Variants in ADARB2 observed in about 807,000 individuals in gnomAD.
The protein encoded by ADARB2 is adenosine deaminase RNA specific B2 (inactive).
Under a neutral mutation model 62.2 loss-of-function variants are expected in ADARB2, and 25 were observed. The observed-to-expected ratio is 0.40, with a 90% CI of 0.29 to 0.56. ADARB2 has a LOEUF of 0.56. Ranked by LOEUF, ADARB2 falls within the 20% of genes least tolerant of loss-of-function variation. ADARB2 has a pLI of 0.43. For synonymous variants in ADARB2, 572 were observed against 500.8 expected (o/e 1.14, Z -1.90); for missense variants, 1,071 against 1,077.4 (o/e 0.99, Z 0.08).
In ADARB2 at chr10:1,246,941, G is replaced by A. The variant is rs544164626; in HGVS notation, c.1193-4642C>T. On this transcript the variant is annotated intron_variant, in intron 4 of 9. Transcript: ENST00000381312. ...CCTTGGGCAGTATGGCCATTTTCAC[G>A]ATATTGATTCTTCCCACCCATGAGC... Among the ~76,000 whole-genome samples the A allele has an allele frequency of 7.0e-4, 106 of 152,062 alleles. 1 individual carries two copies. The highest frequency in any genetic ancestry group is 1.7e-3 in the African/African-American group (71 of 41,466).
intron 1 of ADARB2, among the ~76,000 whole-genome samples, chr10:1,537,007 T>A (rs1832341232): frequency 6.6e-6 from 1 of 152,032 alleles, no homozygotes; most frequent in Non-Finnish European, 1.5e-5. Flanking sequence ...AAAGAAACTA[T>A]CCTCAGAGTG....
At chr10:1,556,252 A>G (rs1832699827) in intron 1 of ADARB2, among the ~76,000 whole-genome samples, 1 of 110,278 alleles carries the variant, frequency 9.1e-6, no homozygotes, top group Admixed American at 1.2e-4. Context: ...TTCCTCTCAA[A>G]CAAAAAGTCT....
intron 3 of ADARB2, among the ~76,000 whole-genome samples, chr10:1,357,916 T>C (rs957377437): frequency 2.6e-5 from 4 of 152,218 alleles, no homozygotes. Context: ...TCTGAAACGC[T>C]CACACAGGAC....
intron 1 of ADARB2, among the ~76,000 whole-genome samples, chr10:1,509,438 T>C (rs1180019916): frequency 6.6e-6 from 1 of 152,120 alleles, no homozygotes; most frequent in Non-Finnish European, 1.5e-5. Context: ...CAGGCACAAA[T>C]CCTTCAAAGA....
At chr10:1,195,633 T>A (rs372113479) in intron 8 of ADARB2, among the ~76,000 whole-genome samples, 16 of 151,882 alleles carry the variant, frequency 1.1e-4, no homozygotes, top group East Asian at 7.7e-4. Context: ...TCAGAAGAAT[T>A]GGGATGGTGC....
chr10:1,310,965 T>C (rs1397393990), intron 3 of ADARB2, among the ~76,000 whole-genome samples: 2 of 152,170 alleles, frequency 1.3e-5, no homozygotes, highest in Non-Finnish European at 2.9e-5. Context: ...TTGGAGTAAA[T>C]GTGGATTTCG....
At chr10:1,611,304 G>A (rs1305666183) in intron 1 of ADARB2, among the ~76,000 whole-genome samples, 1 of 152,200 alleles carries the variant, frequency 6.6e-6, no homozygotes, top group Non-Finnish European at 1.5e-5. Flanking sequence ...AGCGTGTGCT[G>A]CTGAAATCTG....
intron 1 of ADARB2, among the ~76,000 whole-genome samples, chr10:1,707,207 C>G (rs12248195): frequency 6.6e-6 from 1 of 152,258 alleles, no homozygotes; most frequent in African/African-American, 2.4e-5. Context: ...CTCAGCACCG[C>G]GGCCCCGATC....
chr10:1,500,688 C>T (rs1347669514), intron 1 of ADARB2, among the ~76,000 whole-genome samples: 2 of 151,984 alleles, frequency 1.3e-5, no homozygotes, highest in Non-Finnish European at 1.5e-5. Context: ...TTAATCTTGC[C>T]CAGCTGTTAT....
chr10:1,324,421 C>G (rs1348844666), intron 3 of ADARB2, among the ~76,000 whole-genome samples: 3 of 152,194 alleles, frequency 2.0e-5, no homozygotes, highest in African/African-American at 4.8e-5. Flanking sequence ...TATGTTCACA[C>G]AGAAAATTTG....
In ADARB2 at chr10:1,427,966, AT is replaced by A. The variant is rs1308185342; in HGVS notation, c.101-48807del. On this transcript the variant is annotated intron_variant, in intron 1 of 9. Coordinates refer to ENST00000381312, the MANE Select transcript of ADARB2 (RefSeq NM_018702.4). ...ATGCTGAATGAAAAAAGCCAGTCCC[AT>A]TTTTTTTTTTTTTTTGAGACAGAGT... Among the ~76,000 whole-genome samples, 510 of 144,230 alleles carry A rather than the reference AT, an allele frequency of 3.5e-3. 2 individuals carry two copies. Among genetic ancestry groups the A allele is most frequent in the Admixed American group, 7.6e-3 (110 of 14,420 alleles). The allele number at this position is 144,230 out of a possible 152,430, so 94.6% of individuals were successfully genotyped here.
rs1832633844 is a variant in ADARB2, at chr10:1,398,335, C to T, written c.101-19175G>A. 6.6e-6 allele frequency among the ~76,000 whole-genome samples: 1 copy of T among 152,272 alleles called. No homozygotes were observed. Among genetic ancestry groups the T allele is most frequent in the Admixed American group, 6.5e-5 (1 of 15,292 alleles). ...TGTGTCCAGGGCGCAGGAAGCTGCC[C>T]AGCACAGGCAGTGGCACTGACACGG... On this transcript the variant is annotated intron_variant, in intron 1 of 9. Coordinates refer to ENST00000381312, the MANE Select transcript of ADARB2 (RefSeq NM_018702.4). The surrounding 1 kb of genome is among the most constrained non-coding windows in gnomAD (Gnocchi z 4.1).
intron 1 of ADARB2, among the ~76,000 whole-genome samples, chr10:1,409,399 G>T (rs58381255): frequency 1.7e-4 from 26 of 152,134 alleles, no homozygotes; most frequent in Admixed American, 1.7e-3. Context: ...TGCGTGGGGC[G>T]TGTGGCTTGG....
chr10:1,614,857 G>A (rs1305220069), intron 1 of ADARB2, among the ~76,000 whole-genome samples: 1 of 151,858 alleles, frequency 6.6e-6, no homozygotes, highest in Non-Finnish European at 1.5e-5. Flanking sequence ...CTTGCAGTGA[G>A]CTGAGATCGC....
intron 1 of ADARB2, among the ~76,000 whole-genome samples, chr10:1,703,560 T>A (rs78774639): frequency 0.026 from 3,998 of 152,244 alleles, 78 homozygotes; most frequent in Middle Eastern, 0.058. Context: ...GTGAGGTATG[T>A]GGAGTCACAT....
At chr10:1,598,614 G>A (rs563588928) in intron 1 of ADARB2, among the ~76,000 whole-genome samples, 180 of 152,254 alleles carry the variant, frequency 1.2e-3, no homozygotes, top group South Asian at 4.8e-3. Flanking sequence ...ACACAATTCC[G>A]GAAGATCCTG....
At chr10:1,544,552 T>A (rs948490525) in intron 1 of ADARB2, among the ~76,000 whole-genome samples, 2 of 152,068 alleles carry the variant, frequency 1.3e-5, no homozygotes, top group Non-Finnish European at 2.9e-5. Flanking sequence ...GAAGGCTCTG[T>A]TGGGGCCGGG....
Position 1,199,947 on chromosome 10 carries a change from C to G in ADARB2, c.1864+19G>C. On this transcript the variant is annotated intron_variant, in intron 8 of 9. Coordinates refer to ENST00000381312, the MANE Select transcript of ADARB2 (RefSeq NM_018702.4). ...GTGGTGGGAAGGAGGTGGAGGGCCC[C>G]CGGGAAGGGGGTTCTTACCGCTGAG... 1 of 1,500,468 alleles carries G rather than the reference C, an allele frequency of 6.7e-7. No individual in the cohort carries two copies. Among genetic ancestry groups the G allele is most frequent in the Non-Finnish European group, 8.9e-7 (1 of 1,126,434 alleles). 92.9% of individuals were successfully genotyped at this position (1,500,468 alleles called of 1,614,324 possible). A position where few individuals can be genotyped will look rare whatever the true frequency, so the allele number is the denominator to read the frequency against.
chr10:1,258,052 C>T lies in ADARB2; in HGVS notation c.1192+12903G>A, dbSNP rs78942611. Among the ~76,000 whole-genome samples the T allele has an allele frequency of 3.0e-3, 461 of 152,274 alleles. 3 individuals carry two copies. Among genetic ancestry groups the T allele is most frequent in the African/African-American group, 0.011 (441 of 41,546 alleles). On this transcript the variant is annotated intron_variant, in intron 4 of 9. Transcript: ENST00000381312. Reference sequence around the variant, plus strand: ...CTGTCAACGATGATTAACTCCTGCTCACAGATAATGCACAGTCATTTCCTG... The same window carrying T: ...CTGTCAACGATGATTAACTCCTGCTTACAGATAATGCACAGTCATTTCCTG...
Sources: gnomAD v4.1 joint callset for allele counts (sites outside exome capture counted in the v4.1 genomes callset) on GRCh38, gnomAD v4.1.1 for gene constraint, Gnocchi (gnomAD v3.1) non-coding constraint, MANE v1.5 for transcripts, NCBI Gene and HGNC (gene_info 2026-07-23, HGNC 2026-07-21) for gene names.